The following AFG3L2 variants were observed in gnomAD, a reference collection of about 807,000 sequenced individuals.
The protein encoded by AFG3L2 is mitochondrial inner membrane m-AAA protease component AFG3L2.
A neutral mutation model predicts 94.5 loss-of-function variants in AFG3L2; 54 were observed. That is an observed-to-expected ratio of 0.57 (90% CI 0.46 to 0.72). The LOEUF is 0.72. AFG3L2 is among the 30% of genes least tolerant of loss of function. The pLI, the probability that AFG3L2 is intolerant of heterozygous loss-of-function variation, is 0.00. For synonymous variants in AFG3L2, 377 were observed against 365.5 expected, an observed-to-expected ratio of 1.03 and a Z score of -0.36; for missense variants, 754 against 994.9, an observed-to-expected ratio of 0.76 and a Z score of 3.26.
At chr18:12,362,812 T>A (rs1598835735) in intron 6 of AFG3L2, among the ~76,000 whole-genome samples, 1 of 144,118 alleles carries the variant, frequency 6.9e-6, no homozygotes, top group African/African-American at 3.0e-5. Flanking sequence ...CCCACACACA[T>A]CCCTACTTTC....
chr18:12,340,115 T>C (rs1907899493), intron 15 of AFG3L2, 86 bp downstream of exon 15: 3 of 1,246,546 alleles, frequency 2.4e-6, no homozygotes, highest in East Asian at 2.3e-5. Flanking sequence ...AGCACAACTA[T>C]ATTGTTTCAG....
At chr18:12,351,583 G>A (rs965890741) in intron 10 of AFG3L2, among the ~76,000 whole-genome samples, 170 bp from the exon 11 acceptor site, 18 of 146,840 alleles carry the variant, frequency 1.2e-4, no homozygotes, top group Non-Finnish European at 1.8e-4. Context: ...TTTCACTCCT[G>A]TTGTCCAGGC....
chr18:12,374,221 T>C (rs191058670), intron 1 of AFG3L2, among the ~76,000 whole-genome samples: 1 of 152,214 alleles, frequency 6.6e-6, no homozygotes, highest in Non-Finnish European at 1.5e-5. Flanking sequence ...AAGATCTGCA[T>C]GTCTAGCATT....
At chr18:12,356,939 T>C (rs1908515467) in intron 8 of AFG3L2, 108 bp from the exon 9 acceptor site, 1 of 1,066,854 alleles carries the variant, frequency 9.4e-7, no homozygotes, top group South Asian at 1.4e-5. Flanking sequence ...CTTATTGATA[T>C]ATATTAAATA....
Position 12,370,851 on chromosome 18 carries a change from T to C in AFG3L2, c.290A>G (p.Lys97Arg). The change falls in exon 3 of 17, where the codon AAA (lysine) becomes AGA (arginine). Residue 97 changes from lysine to arginine, a missense_variant and splice_region_variant. Lys to Arg is a conservative substitution (Grantham distance 26, BLOSUM62 2). Coordinates refer to ENST00000269143, the MANE Select transcript of AFG3L2 (RefSeq NM_006796.3). Reference protein sequence around the residue: ...SEPKEVMGEKKESKPAATTRS... With the variant: ...SEPKEVMGEKRESKPAATTRS... ...AATATAATATTGTCAAAAGGTACCT[T>C]TTTTCTCTCCCATAACTTCTTTAGG... 1 of 1,574,962 alleles carries C rather than the reference T, an allele frequency of 6.3e-7. No individual in the cohort carries two copies. Among genetic ancestry groups the C allele is most frequent in the Non-Finnish European group, 8.7e-7 (1 of 1,147,104 alleles).
At chr18:12,370,754 C>T (rs1461654419) in intron 3 of AFG3L2, 95 bp downstream of exon 3, 6 of 878,192 alleles carry the variant, frequency 6.8e-6, no homozygotes, top group South Asian at 4.3e-5. Context: ...ACACTGTGCC[C>T]GGCCTGATAA....
intron 6 of AFG3L2, among the ~76,000 whole-genome samples, chr18:12,363,364 TCA>T (rs1444769317): frequency 6.6e-6 from 1 of 152,180 alleles, no homozygotes; most frequent in East Asian, 1.9e-4. Flanking sequence ...CAATATAATA[TCA>T]CAAAATGGTT....
chr18:12,369,095 A>G (rs1437878754), intron 3 of AFG3L2, among the ~76,000 whole-genome samples: 2 of 152,090 alleles, frequency 1.3e-5, no homozygotes, highest in Non-Finnish European at 2.9e-5. Flanking sequence ...TATGATATGC[A>G]CAAGCCTCAG....
intron 3 of AFG3L2, among the ~76,000 whole-genome samples, chr18:12,370,569 C>A (rs1908953331): frequency 6.6e-6 from 1 of 151,464 alleles, no homozygotes; most frequent in African/African-American, 2.4e-5. Flanking sequence ...GTGATTCTCC[C>A]ACCTCAGCCT....
At chr18:12,372,910 T>G (rs552894409) in intron 1 of AFG3L2, among the ~76,000 whole-genome samples, 1 of 152,254 alleles carries the variant, frequency 6.6e-6, no homozygotes, top group South Asian at 2.1e-4. Context: ...TGATTACTAA[T>G]GGTCGCAGGG....
intron 16 of AFG3L2, among the ~76,000 whole-genome samples, chr18:12,333,185 AAAT>A (rs1452654267): frequency 1.9e-3 from 230 of 118,664 alleles, no homozygotes; most frequent in African/African-American, 3.5e-3. Flanking sequence ...ATAATATAAT[AAAT>A]AATATATATA....
intron 15 of AFG3L2, among the ~76,000 whole-genome samples, chr18:12,339,797 C>T (rs1397511214): frequency 4.0e-5 from 6 of 149,484 alleles, no homozygotes; most frequent in Non-Finnish European, 8.9e-5. Flanking sequence ...TGCAGTGAGC[C>T]GAGATTGCAC....
intron 13 of AFG3L2, 70 bp from the exon 14 acceptor site, chr18:12,344,317 A>C: frequency 1.6e-6 from 2 of 1,250,666 alleles, no homozygotes; most frequent in Non-Finnish European, 2.3e-6. Context: ...ACAGTTATAC[A>C]GTGCTATACA....
At chr18:12,360,756 A>C (rs941679509) in intron 6 of AFG3L2, among the ~76,000 whole-genome samples, 2 of 152,316 alleles carry the variant, frequency 1.3e-5, no homozygotes, top group Admixed American at 1.3e-4. Flanking sequence ...ACTGAATATG[A>C]GCCCTGACTC....
At chr18:12,346,504 C>T (rs74358268) in intron 13 of AFG3L2, among the ~76,000 whole-genome samples, 1 of 152,172 alleles carries the variant, frequency 6.6e-6, no homozygotes, top group Non-Finnish European at 1.5e-5. Context: ...GGTGCTCCCC[C>T]CTGATAAGCT....
At chr18:12,341,584 G>C (rs1294487596) in intron 14 of AFG3L2, 2 of 152,174 alleles carry the variant, frequency 1.3e-5, no homozygotes, top group Admixed American at 1.3e-4. Flanking sequence ...AGATACTGCT[G>C]TATGTATTAA....
chr18:12,347,653 C>T (rs996370928), intron 13 of AFG3L2, among the ~76,000 whole-genome samples: 17 of 151,678 alleles, frequency 1.1e-4, no homozygotes, highest in African/African-American at 4.1e-4. Flanking sequence ...CGGGTTCAAG[C>T]GATTCTCCTG....
chr18:12,362,093 C>T (rs1255827665), intron 6 of AFG3L2, among the ~76,000 whole-genome samples: 5 of 152,224 alleles, frequency 3.3e-5, no homozygotes, highest in Admixed American at 3.3e-4. Flanking sequence ...GTTTTAATAG[C>T]TTTCTAGACA....
chr18:12,376,826 C>G lies in AFG3L2; in HGVS notation c.114+143G>C, dbSNP rs1329989722. ...GGCGCTCCCGGGGCCGGCTGAGAGA[C>G]AGCGCAGGGCGCCCAGGCCCTCGGC... is the stretch of plus-strand genomic sequence containing the variant. On this transcript the variant is annotated intron_variant, in intron 1 of 16. Coordinates refer to ENST00000269143, the MANE Select transcript of AFG3L2 (RefSeq NM_006796.3). 12 of 552,912 alleles carry G rather than the reference C, an allele frequency of 2.2e-5. No homozygotes were observed. In the South Asian group the frequency reaches 5.1e-4, roughly 23 times the overall value. The allele number at this position is 552,912 out of a possible 1,614,324, so 34.3% of individuals were successfully genotyped here.
Sources: allele counts gnomAD v4.1 joint callset (sites outside exome capture counted in the v4.1 genomes callset), GRCh38; gene constraint gnomAD v4.1.1; transcripts MANE v1.5; gene names NCBI Gene and HGNC (gene_info 2026-07-23, HGNC 2026-07-21).